Variants in APBA2 observed in about 807,000 individuals in gnomAD.
The protein encoded by APBA2 is amyloid-beta A4 precursor protein-binding family A member 2.
Under a neutral mutation model 75.0 loss-of-function variants are expected in APBA2, and 30 were observed. The ratio of observed to expected loss-of-function variants is 0.40; its 90% confidence interval spans 0.30 to 0.54. APBA2 has a LOEUF of 0.54. Among genes scored for constraint, APBA2 ranks in the 20% least tolerant of loss-of-function variants. APBA2 has a pLI of 0.49. For synonymous variants in APBA2, 444 were observed against 409.6 expected (o/e 1.08, Z -1.01); for missense variants, 801 against 1,016.1 (o/e 0.79, Z 2.88).
chr15:28,990,744 A>G (rs2038184498), intron 2 of APBA2: 1 of 152,200 alleles, frequency 6.6e-6, no homozygotes. Context: ...AAGTGAGGAC[A>G]TGGGGGCAGA....
intron 1 of APBA2, among the ~76,000 whole-genome samples, chr15:28,915,965 T>C (rs2033671892): frequency 6.6e-6 from 1 of 151,842 alleles, no homozygotes; most frequent in Admixed American, 6.6e-5. Context: ...CATCACATAC[T>C]CTGTATCTGA....
chr15:29,015,986 C>T (rs892469268), intron 3 of APBA2, among the ~76,000 whole-genome samples: 1 of 152,206 alleles, frequency 6.6e-6, no homozygotes, highest in Non-Finnish European at 1.5e-5. Context: ...TGGCCGGGCG[C>T]GGTGGCTCAC....
At chr15:28,989,731 G>A (rs890589378) in intron 2 of APBA2, among the ~76,000 whole-genome samples, 2 of 152,202 alleles carry the variant, frequency 1.3e-5, no homozygotes, top group African/African-American at 4.8e-5. Context: ...AGCCAGCAGA[G>A]GCGGCCTTGG....
intron 12 of APBA2, among the ~76,000 whole-genome samples, chr15:29,107,406 T>G (rs935648597): frequency 8.5e-5 from 13 of 152,288 alleles, no homozygotes; most frequent in African/African-American, 2.6e-4. Flanking sequence ...GGGTTCTGCC[T>G]GCTGCTGGCG....
At chr15:28,921,288 C>A (rs1354222617) in intron 1 of APBA2, among the ~76,000 whole-genome samples, 1 of 152,160 alleles carries the variant, frequency 6.6e-6, no homozygotes, top group East Asian at 1.9e-4. Flanking sequence ...CAAAATCTTC[C>A]TACATTGAAA....
rs2044537944 is a variant in APBA2 at position 29,108,256 on chromosome 15, C to T, written c.1918-14C>T. On this transcript the variant is annotated splice_polypyrimidine_tract_variant and intron_variant, in intron 12 of 14. Transcript: ENST00000683413. ...TAAGGCCCAGCCTGTGACTCCTGTC[C>T]CCGTGCTCTGCAGGGCCTGAAGAAC... 2 of 1,613,630 alleles carry T rather than the reference C, an allele frequency of 1.2e-6. No homozygotes were observed. Among genetic ancestry groups the T allele is most frequent in the East Asian group, 2.2e-5 (1 of 44,868 alleles).
chr15:29,101,217 CTTT>C (rs11333657), intron 9 of APBA2, among the ~76,000 whole-genome samples: 4 of 142,592 alleles, frequency 2.8e-5, no homozygotes, highest in Admixed American at 7.0e-5. Flanking sequence ...ATTGGAGTGC[CTTT>C]TTTTTTTTTT....
intron 1 of APBA2, among the ~76,000 whole-genome samples, chr15:28,911,077 G>GA (rs1277369888): frequency 2.0e-5 from 3 of 152,080 alleles, no homozygotes; most frequent in Non-Finnish European, 4.4e-5. Context: ...GATTTTGTTA[G>GA]AAAAAAGAAC....
At chr15:28,955,592 T>C (rs2036123898) in intron 2 of APBA2, among the ~76,000 whole-genome samples, 1 of 152,246 alleles carries the variant, frequency 6.6e-6, no homozygotes, top group East Asian at 1.9e-4. Flanking sequence ...AATGCATCTT[T>C]TGTGGGATTT....
chr15:29,031,509 G>T (rs1490032948), intron 3 of APBA2, among the ~76,000 whole-genome samples: 1 of 151,618 alleles, frequency 6.6e-6, no homozygotes, highest in Admixed American at 6.6e-5. Context: ...TGCTCTTGTT[G>T]CCCAGGCTGG....
At chr15:29,067,510 C>G (rs2042429439) in intron 4 of APBA2, among the ~76,000 whole-genome samples, 2 of 152,226 alleles carry the variant, frequency 1.3e-5, no homozygotes, top group South Asian at 4.2e-4. Flanking sequence ...CTCCCCTTCT[C>G]TCCTAGGTCT....
chr15:29,111,582 C>T (rs1464189940), intron 13 of APBA2, among the ~76,000 whole-genome samples: 1 of 152,172 alleles, frequency 6.6e-6, no homozygotes, highest in Non-Finnish European at 1.5e-5. Flanking sequence ...GCTCGGCTGC[C>T]TGGCGGTAAA....
At chr15:28,983,734 C>T (rs1264162409) in intron 2 of APBA2, among the ~76,000 whole-genome samples, 2 of 152,200 alleles carry the variant, frequency 1.3e-5, no homozygotes. Flanking sequence ...GCCCTTTCCC[C>T]CACTGGGTGG....
At chr15:29,097,480 C>T (rs533373149) in intron 8 of APBA2, among the ~76,000 whole-genome samples, 190 of 152,352 alleles carry the variant, frequency 1.2e-3, no homozygotes, top group Non-Finnish European at 1.9e-3. Flanking sequence ...GCATTTCCTT[C>T]TACGTGGACT....
At chr15:28,897,879 A>C (rs568937417) in intron 1 of APBA2, among the ~76,000 whole-genome samples, 1 of 152,308 alleles carries the variant, frequency 6.6e-6, no homozygotes, top group South Asian at 2.1e-4. Context: ...AAACCTGTGA[A>C]TGTTACTTTA....
intron 3 of APBA2, among the ~76,000 whole-genome samples, chr15:29,001,460 G>C (rs1341656822): frequency 6.6e-6 from 1 of 152,134 alleles, no homozygotes; most frequent in Non-Finnish European, 1.5e-5. Context: ...GTCCTCCCAC[G>C]TGGGCCTCCC....
intron 13 of APBA2, among the ~76,000 whole-genome samples, chr15:29,109,855 G>A (rs541168592): frequency 5.3e-5 from 8 of 152,356 alleles, no homozygotes; most frequent in Middle Eastern, 3.4e-3. Flanking sequence ...AGGTGGGCCC[G>A]CTGGTCCTCG....
intron 1 of APBA2, among the ~76,000 whole-genome samples, chr15:28,914,448 A>G (rs1276662394): frequency 3.9e-5 from 6 of 152,174 alleles, no homozygotes; most frequent in African/African-American, 1.4e-4. Flanking sequence ...GCCATCTTGC[A>G]CATGGCTTCC....
chr15:28,931,435 C>G (rs1039850343), intron 2 of APBA2, among the ~76,000 whole-genome samples: 1 of 152,200 alleles, frequency 6.6e-6, no homozygotes, highest in African/African-American at 2.4e-5. Flanking sequence ...CTCCTGTGCC[C>G]CCATCCCCTA....
Sources: gnomAD v4.1 joint callset for allele counts (sites outside exome capture counted in the v4.1 genomes callset) on GRCh38, gnomAD v4.1.1 for gene constraint, MANE v1.5 for transcripts, NCBI Gene and HGNC (gene_info 2026-07-23, HGNC 2026-07-21) for gene names.